ZNF609: variants seen among roughly 807,000 people sequenced by gnomAD.
ZNF609 encodes zinc finger protein 609.
In ZNF609, 11 loss-of-function variants were observed where a neutral mutation model predicts 109.5. The ratio of observed to expected loss-of-function variants is 0.10; its 90% CI spans 0.06 to 0.17. ZNF609 has a LOEUF of 0.17. ZNF609 is among the 10% of genes least tolerant of loss of function. The probability of loss-of-function intolerance (pLI) is 1.00; values close to 1 mark genes in which losing one functional copy is unlikely to be tolerated. For missense variants in ZNF609, 1,559 were observed against 1,772.4 expected (o/e 0.88, Z 2.16); for synonymous variants, 646 against 662.0 (o/e 0.98, Z 0.37).
intron 2 of ZNF609, among the ~76,000 whole-genome samples, chr15:64,569,425 A>G (rs141000965): frequency 2.5e-4 from 38 of 152,344 alleles, no homozygotes; most frequent in African/African-American, 8.4e-4. Flanking sequence ...GTAATTCTAC[A>G]TTATGTTTGA....
intron 1 of ZNF609, among the ~76,000 whole-genome samples, chr15:64,481,319 C>CTTTT (rs889184379): frequency 7.9e-6 from 1 of 127,270 alleles, no homozygotes; most frequent in Non-Finnish European, 1.7e-5. Context: ...TTTCTTTTTT[C>CTTTT]TTTTTTTTTT....
At chr15:64,519,068 G>C (rs1193938662) in intron 2 of ZNF609, among the ~76,000 whole-genome samples, 1 of 137,584 alleles carries the variant, frequency 7.3e-6, no homozygotes, top group Admixed American at 8.1e-5. Flanking sequence ...AAAGTTATAG[G>C]ATGCTGAGAG....
At chr15:64,483,010 A>T (rs895279812) in intron 1 of ZNF609, among the ~76,000 whole-genome samples, 1 of 152,208 alleles carries the variant, frequency 6.6e-6, no homozygotes, top group Non-Finnish European at 1.5e-5. Context: ...GGCTATTTAT[A>T]GTCTTTTTAT....
rs1896771381 is a variant in ZNF609, at chr15:64,673,974, C to T, written c.1120C>T (p.Arg374Cys). The change falls in exon 5 of 10, where the codon CGC (arginine) becomes TGC (cysteine). Residue 374 changes from arginine (R) to cysteine (C), a missense_variant. Arg to Cys is a radical substitution (Grantham distance 180). Coordinates refer to ENST00000326648, the MANE Select transcript of ZNF609 (RefSeq NM_015042.2). ...EMRNGRGRGK[R>C]MRPNSNTPVN... is the part of the protein sequence containing the mutation. Reference sequence around the variant, plus strand: ...GCGCAATGGCCGGGGTAGAGGCAAACGCATGCGTCCCAACAGTAATACACC... The same window carrying T: ...GCGCAATGGCCGGGGTAGAGGCAAATGCATGCGTCCCAACAGTAATACACC... 7 of 1,614,176 alleles carry T rather than the reference C, an allele frequency of 4.3e-6. No homozygotes were observed. The highest frequency in any genetic ancestry group is 5.9e-6 in the Non-Finnish European group (7 of 1,180,040).
chr15:64,567,718 G>A (rs1440050541), intron 2 of ZNF609, among the ~76,000 whole-genome samples: 1 of 151,656 alleles, frequency 6.6e-6, no homozygotes. Context: ...CTGAAGTGCA[G>A]TGGCACGATC....
chr15:64,577,338 TATATATGTATATATATACAC>T (rs1411880985), intron 2 of ZNF609, among the ~76,000 whole-genome samples: 191 of 18,626 alleles, frequency 0.01, 57 homozygotes, highest in African/African-American at 0.017. Context: ...AATATATACA[TATATATGTATATATATACAC>T]ATATATGTAT....
chr15:64,593,043 G>A (rs1895328460), intron 2 of ZNF609: 8 of 1,590,714 alleles, frequency 5.0e-6, no homozygotes, highest in Middle Eastern at 1.7e-4. Context: ...CAGCCTATTC[G>A]CTGCACTAAC....
intron 3 of ZNF609, among the ~76,000 whole-genome samples, chr15:64,638,120 T>G (rs1190560175): frequency 6.6e-6 from 1 of 150,584 alleles, no homozygotes; most frequent in Admixed American, 6.6e-5. Context: ...GATTCTTATT[T>G]TTTTATATGG....
chr15:64,609,250 G>A (rs1895675580), intron 2 of ZNF609, among the ~76,000 whole-genome samples: 1 of 150,786 alleles, frequency 6.6e-6, no homozygotes, highest in African/African-American at 2.4e-5. Context: ...CAGTGGTGCA[G>A]TCTCGGCTCA....
At chr15:64,530,575 T>G (rs1894045910) in intron 2 of ZNF609, among the ~76,000 whole-genome samples, 1 of 152,218 alleles carries the variant, frequency 6.6e-6, no homozygotes, top group Non-Finnish European at 1.5e-5. Flanking sequence ...TAGTAGGGAT[T>G]CAATAAACAA....
In ZNF609 at chr15:64,675,886, G is replaced by T; in HGVS notation, c.3032G>T (p.Arg1011Leu). The change falls in exon 5 of 10, where the codon CGC (arginine) becomes CTC (leucine). Residue 1011 changes from arginine (R) to leucine (L), a missense_variant. This residue lies in a region of ZNF609 where 1,204 missense variants were observed against 1,314.1 expected (regional missense o/e 0.92). Coordinates refer to ENST00000326648, the MANE Select transcript of ZNF609 (RefSeq NM_015042.2). ...YRQQYEEQQK[R>L]QSLEQQQRGV... is the part of the protein sequence containing the mutation. ...CAGCAGTACGAAGAACAGCAGAAAC[G>T]CCAGAGCTTAGAGCAGCAGCAGCGG... is the stretch of plus-strand genomic sequence containing the variant. The T allele has an allele frequency of 3.7e-6, 6 of 1,614,176 alleles. No homozygotes were observed. The highest frequency in any genetic ancestry group is 5.1e-6 in the Non-Finnish European group (6 of 1,180,036).
chr15:64,683,578 G>T lies in ZNF609; in HGVS notation c.*1892G>T, dbSNP rs946341667. The T allele has an allele frequency of 6.6e-6, 1 of 152,256 alleles. No individual in the cohort carries two copies. The highest frequency in any genetic ancestry group is 2.4e-5 in the African/African-American group (1 of 41,430). The allele number at this position is 152,256 out of a possible 1,614,324, so 9.4% of individuals were successfully genotyped here. Reference sequence around the variant, plus strand: ...CCCATCATTCCCTCTGCCTTCTGCTGCCCTCATGGGCAGTGCTCTGAGCAG... The same window carrying T: ...CCCATCATTCCCTCTGCCTTCTGCTTCCCTCATGGGCAGTGCTCTGAGCAG... On this transcript the variant is annotated 3_prime_UTR_variant, in exon 10 of 10. Transcript: ENST00000326648.
intron 2 of ZNF609, among the ~76,000 whole-genome samples, chr15:64,509,707 C>T (rs76335482): frequency 6.6e-6 from 1 of 152,152 alleles, no homozygotes; most frequent in Admixed American, 6.5e-5. Flanking sequence ...AGGTTGAGAA[C>T]CATGGCTTTT....
intron 3 of ZNF609, among the ~76,000 whole-genome samples, chr15:64,651,808 A>T (rs1049837190): frequency 2.0e-5 from 3 of 152,254 alleles, no homozygotes; most frequent in African/African-American, 7.2e-5. Flanking sequence ...GATTTCTCAC[A>T]GGTGTTCTCC....
chr15:64,539,971 C>T (rs1567009060), intron 2 of ZNF609, among the ~76,000 whole-genome samples: 1 of 151,722 alleles, frequency 6.6e-6, no homozygotes, highest in Admixed American at 6.6e-5. Flanking sequence ...AGGGTCCCAC[C>T]ATCTTGCCCA....
intron 9 of ZNF609, 103 bp downstream of exon 9, chr15:64,681,490 C>T (rs2083208327): frequency 1.0e-6 from 1 of 979,264 alleles, no homozygotes; most frequent in Non-Finnish European, 1.6e-6. Context: ...GGTCAGCAGT[C>T]TGGAATCCAT....
chr15:64,659,203 T>C (rs1372433135), intron 3 of ZNF609, among the ~76,000 whole-genome samples: 1 of 152,114 alleles, frequency 6.6e-6, no homozygotes, highest in East Asian at 1.9e-4. Flanking sequence ...ATAAAACGCG[T>C]TTTTAGTTTT....
At chr15:64,631,174 A>C in intron 3 of ZNF609, 1 of 613,034 alleles carries the variant, frequency 1.6e-6, no homozygotes, top group Non-Finnish European at 3.1e-6. Flanking sequence ...GTTCTCACAA[A>C]GTGTGCTTCT....
At chr15:64,537,502 CAAAA>C (rs546622262) in intron 2 of ZNF609, among the ~76,000 whole-genome samples, 1 of 84,574 alleles carries the variant, frequency 1.2e-5, no homozygotes, top group African/African-American at 4.9e-5. Context: ...AACTCTGTCT[CAAAA>C]AAAAAAAAAG....
Sources: allele counts gnomAD v4.1 joint callset (sites outside exome capture counted in the v4.1 genomes callset), GRCh38; gene constraint gnomAD v4.1.1; regional missense constraint gnomAD v4.1.1; transcripts MANE v1.5; gene names NCBI Gene and HGNC (gene_info 2026-07-23, HGNC 2026-07-21).